AMZ1: variants seen among roughly 807,000 people sequenced by gnomAD.
The protein encoded by AMZ1 is archaelysin family metallopeptidase 1.
Under a neutral mutation model 29.9 loss-of-function variants are expected in AMZ1, and 39 were observed. That is an observed-to-expected ratio of 1.30 (90% CI 1.01 to 1.70). The LOEUF is 1.70. AMZ1 is among the 40% of genes most tolerant of loss of function. The probability of loss-of-function intolerance (pLI) is 0.00; values close to 1 mark genes in which losing one functional copy is unlikely to be tolerated. For synonymous variants in AMZ1, 458 were observed against 304.0 expected (o/e 1.51, Z -5.27); for missense variants, 1,041 against 680.6 (o/e 1.53, Z -5.89).
rs780940374 is a variant in AMZ1, at chr7:2,731,645, C to T, written n.550+21829C>T. 1 of 1,613,738 alleles carries T rather than the reference C, an allele frequency of 6.2e-7. No homozygotes were observed. The highest frequency in any genetic ancestry group is 8.5e-7 in the Non-Finnish European group (1 of 1,179,894). On this transcript the variant is annotated intron_variant and non_coding_transcript_variant, in intron 4 of 4. Coordinates refer to the AMZ1 transcript ENST00000489665. This position sits in a 1 kb window ranked among gnomAD's most constrained non-coding sequence, Gnocchi z 6.0. Reference sequence around the variant, plus strand: ...TGGCGCTGGGACCGCTGGCCGCCCACATCCACCATCTTAAAGGGGATCTTC... The same window carrying T: ...TGGCGCTGGGACCGCTGGCCGCCCATATCCACCATCTTAAAGGGGATCTTC...
upstream of AMZ1, among the ~76,000 whole-genome samples, chr7:2,685,147 G>GC (rs543967709): frequency 8.4e-4 from 127 of 151,962 alleles, 3 homozygotes; most frequent in South Asian, 0.015. Context: ...GGGATTACAG[G>GC]TTGAGCCGCC....
At chr7:2,724,451 G>A (rs764649103), downstream of AMZ1, among the ~76,000 whole-genome samples, 19 of 152,216 alleles carry the variant, frequency 1.2e-4, no homozygotes, top group African/African-American at 4.6e-4. Flanking sequence ...TGACAGGCCT[G>A]GAACAAGAGC....
intron 4 of AMZ1, among the ~76,000 whole-genome samples, chr7:2,749,802 A>C (rs1470510678): frequency 6.6e-6 from 1 of 152,186 alleles, no homozygotes; most frequent in Non-Finnish European, 1.5e-5. Context: ...ACTGGGGATG[A>C]GAGAGGAAAG....
intron 4 of AMZ1, among the ~76,000 whole-genome samples, chr7:2,724,688 C>A (rs1385135586): frequency 6.6e-6 from 1 of 152,192 alleles, no homozygotes; most frequent in African/African-American, 2.4e-5. Flanking sequence ...AGAAAATAAC[C>A]TCCTTGAACC....
upstream of AMZ1, among the ~76,000 whole-genome samples, chr7:2,687,249 C>A (rs562403863): frequency 1.5e-3 from 224 of 152,112 alleles, 1 homozygote; most frequent in African/African-American, 4.9e-3. Context: ...ATGACTTGAA[C>A]CCCGGAGGTG....
chr7:2,743,720 G>A (rs143901826), intron 4 of AMZ1, among the ~76,000 whole-genome samples: 3,250 of 152,256 alleles, frequency 0.021, 49 homozygotes, highest in Non-Finnish European at 0.032. Flanking sequence ...GAAGCAGGGC[G>A]AGGCACTGCC....
chr7:2,756,958 C>G (rs1791327072), intron 4 of AMZ1, among the ~76,000 whole-genome samples: 1 of 152,000 alleles, frequency 6.6e-6, no homozygotes, highest in Non-Finnish European at 1.5e-5. Context: ...CCTGTAGTTC[C>G]AGCTACTCAG....
At chr7:2,694,532 GTGATCCT>G (rs1442293573) in intron 1 of AMZ1, among the ~76,000 whole-genome samples, 1 of 152,124 alleles carries the variant, frequency 6.6e-6, no homozygotes, top group African/African-American at 2.4e-5. Flanking sequence ...CCCTGCTCAA[GTGATCCT>G]TCTGCCTCCC....
intron 4 of AMZ1, among the ~76,000 whole-genome samples, chr7:2,746,623 A>G (rs540044580): frequency 6.6e-6 from 1 of 152,130 alleles, no homozygotes; most frequent in East Asian, 1.9e-4. Context: ...AAAAGCAAGA[A>G]CAAACACATT....
chr7:2,684,461 C>G (rs1327713093), upstream of AMZ1, among the ~76,000 whole-genome samples: 1 of 152,226 alleles, frequency 6.6e-6, no homozygotes, highest in African/African-American at 2.4e-5. Context: ...CCAGGCCACA[C>G]AGTTCTCTTT....
intron 4 of AMZ1, among the ~76,000 whole-genome samples, chr7:2,737,289 G>GTTTTTTTTTTTTTTTTTTTTTTT (rs11389467): frequency 3.2e-5 from 2 of 62,276 alleles, no homozygotes; most frequent in African/African-American, 5.5e-5. Flanking sequence ...TTTTTTTTTT[G>GTTTTTTTTTTTTTTTTTTTTTTT]TTTTTTTTTT....
chr7:2,731,731 T>G lies in AMZ1; in HGVS notation n.550+21915T>G. 2 of 1,541,134 alleles carry G rather than the reference T, an allele frequency of 1.3e-6. No individual in the cohort carries two copies. Among genetic ancestry groups the G allele is most frequent in the African/African-American group, 1.4e-5 (1 of 72,936 alleles). Reference sequence around the variant, plus strand: ...GGCTTTCCTAGCCAGCAGGATATCTTGCTTACTAGGAAAGTAATTCTGTAA... The same window carrying G: ...GGCTTTCCTAGCCAGCAGGATATCTGGCTTACTAGGAAAGTAATTCTGTAA... On this transcript the variant is annotated intron_variant and non_coding_transcript_variant, in intron 4 of 4. Coordinates refer to the AMZ1 transcript ENST00000489665. This position sits in a 1 kb window ranked among gnomAD's most constrained non-coding sequence, Gnocchi z 6.0.
rs375738662 is a variant in AMZ1, at chr7:2,700,553, C to T, written c.102C>T (p.Ser34=). 28 of 1,609,512 alleles carry T rather than the reference C, an allele frequency of 1.7e-5. 1 individual carries two copies. Among genetic ancestry groups the T allele is most frequent in the East Asian group, 8.9e-5 (4 of 44,876 alleles). Residue 34 remains serine (S), a synonymous_variant, in exon 2 of 7, where the codon TCC becomes TCT. Coordinates refer to ENST00000683327, the MANE Select transcript of AMZ1 (RefSeq NM_001384743.1). ...CAGCCCTGCAGCAGCTGTATGTGTC[C>T]GCCTTCTCCCCTGCCGAGCGGCTCT... The part of the protein sequence containing the change: ...TDAALQQLYV[S]AFSPAERLFL...
rs1786836618 is a variant in AMZ1, at chr7:2,680,307, G to A, written c.-219+636G>A. ...ATTAACAGGCACTCGGCTCTCTGGG[G>A]ACCTGCCTGGGTCTCCGGCCCCACA... On this transcript the variant is annotated intron_variant, in intron 1 of 6. Transcript: ENST00000312371. Among the ~76,000 whole-genome samples the A allele has an allele frequency of 2.0e-5, 3 of 152,214 alleles. No homozygotes were observed. In the South Asian group the frequency reaches 6.2e-4, roughly 32 times the overall value.
At chr7:2,706,929 G>T (rs114275692) in intron 3 of AMZ1, among the ~76,000 whole-genome samples, 6 of 151,876 alleles carry the variant, frequency 4.0e-5, no homozygotes, top group Admixed American at 3.3e-4. Context: ...AGACTGCAGC[G>T]TGAGCTGTGA....
At chr7:2,698,492 C>T (rs568513452) in intron 1 of AMZ1, among the ~76,000 whole-genome samples, 27 of 151,764 alleles carry the variant, frequency 1.8e-4, no homozygotes, top group African/African-American at 5.1e-4. Context: ...GAGCCCAGAT[C>T]ACGACACTGC....
downstream of AMZ1, among the ~76,000 whole-genome samples, chr7:2,721,110 T>C (rs1789401666): frequency 6.6e-6 from 1 of 152,122 alleles, no homozygotes; most frequent in African/African-American, 2.4e-5. Flanking sequence ...CCGACTCTAT[T>C]GAAGACACAC....
At chr7:2,698,517 G>A (rs1434550169) in intron 1 of AMZ1, among the ~76,000 whole-genome samples, 2 of 151,940 alleles carry the variant, frequency 1.3e-5, no homozygotes, top group South Asian at 2.1e-4. Context: ...TAGCCTGGGC[G>A]ACACAGCAAG....
intron 1 of AMZ1, among the ~76,000 whole-genome samples, chr7:2,689,850 G>C (rs1787282369): frequency 6.6e-6 from 1 of 152,196 alleles, no homozygotes. Flanking sequence ...GCCAGAGGGT[G>C]CTGCGAAGCT....
Sources: allele counts gnomAD v4.1 joint callset (sites outside exome capture counted in the v4.1 genomes callset), GRCh38; gene constraint gnomAD v4.1.1; non-coding constraint Gnocchi (gnomAD v3.1); transcripts MANE v1.5; gene names NCBI Gene and HGNC (gene_info 2026-07-23, HGNC 2026-07-21).